Variants in PKD1L1 observed in about 807,000 individuals in gnomAD.
PKD1L1 encodes polycystin 1 like 1, transient receptor potential channel interacting.
PKD1L1 carries 236 observed loss-of-function variants against 323.4 expected under a neutral mutation model. That is an observed-to-expected ratio of 0.73 (90% CI 0.66 to 0.81). The LOEUF (loss-of-function observed/expected upper bound fraction) is 0.81. Among genes scored for constraint, PKD1L1 ranks in the 40% least tolerant of loss-of-function variants. The pLI, the probability that PKD1L1 is intolerant of heterozygous loss-of-function variation, is 0.00. For synonymous variants in PKD1L1, 1,344 were observed against 1,335.0 expected, an observed-to-expected ratio of 1.01 and a Z score of -0.15; for missense variants, 3,320 against 3,508.0, an observed-to-expected ratio of 0.95 and a Z score of 1.35.
intron 5 of PKD1L1, among the ~76,000 whole-genome samples, chr7:47,931,555 G>T (rs1787772168): frequency 6.6e-6 from 1 of 152,246 alleles, no homozygotes; most frequent in Non-Finnish European, 1.5e-5. Context: ...GCACCAGCTA[G>T]AACTATGAGG....
At chr7:47,809,631 T>C (rs1784853024) in intron 50 of PKD1L1, 54 bp from the exon 51 acceptor site, 2 of 1,368,450 alleles carry the variant, frequency 1.5e-6, no homozygotes, top group Non-Finnish European at 2.0e-6. Context: ...ATAAATTGTT[T>C]TTTGAAGGTC....
Position 47,857,773 on chromosome 7 carries a change from A to G in PKD1L1, c.4422T>C (p.His1474=). The G allele has an allele frequency of 1.9e-6, 3 of 1,614,180 alleles. No individual in the cohort carries two copies. In the South Asian group the frequency reaches 3.3e-5, roughly 18 times the overall value. Residue 1474 remains histidine (H), a synonymous_variant, in exon 28 of 57, where the codon CAT becomes CAC. Transcript: ENST00000289672. ...TCTGGACAGAGCTCTGAAGGTTGTA[A>G]TGAAGAAGGGTCCGGAACTCCATCT... ...TGQMEFRTLL[H]YNLQSSVQSL...
At chr7:47,826,110 C>T (rs560377919) in intron 45 of PKD1L1, among the ~76,000 whole-genome samples, 2 of 152,232 alleles carry the variant, frequency 1.3e-5, no homozygotes, top group South Asian at 4.1e-4. Context: ...GATGCGCCCA[C>T]CACACTCCCA....
rs763850432 is a variant in PKD1L1, at chr7:47,857,812, A to G, written c.4383T>C (p.His1461=). Residue 1461 remains histidine (H), a synonymous_variant, in exon 28 of 57, where the codon CAT becomes CAC. Transcript: ENST00000289672. ...GGAACTCCATCTGCCCAGTGCTAAC[A>G]TGGTTCAAAGAGAGACAACCCTGAA... The part of the protein sequence containing the change: ...DLLLGCLSLN[H]VSTGQMEFRT... The G allele has an allele frequency of 8.9e-5, 143 of 1,614,048 alleles. No homozygotes were observed. Among genetic ancestry groups the G allele is most frequent in the Non-Finnish European group, 1.1e-4 (133 of 1,180,036 alleles).
intron 25 of PKD1L1, among the ~76,000 whole-genome samples, chr7:47,865,737 C>G (rs901808715): frequency 6.6e-6 from 1 of 150,378 alleles, no homozygotes; most frequent in Admixed American, 6.6e-5. Flanking sequence ...ACGCGCCTGC[C>G]ACCACACCTG....
intron 16 of PKD1L1, among the ~76,000 whole-genome samples, 199 bp downstream of exon 16, chr7:47,890,343 C>T (rs2128748615): frequency 6.6e-6 from 1 of 152,354 alleles, no homozygotes; most frequent in African/African-American, 2.4e-5. Flanking sequence ...TCAGATGCTG[C>T]CCAGACATCA....
intron 46 of PKD1L1, among the ~76,000 whole-genome samples, chr7:47,817,195 C>T (rs566042929): frequency 6.6e-6 from 1 of 152,296 alleles, no homozygotes; most frequent in East Asian, 1.9e-4. Flanking sequence ...CATGCCACTG[C>T]ACTCCAGCCT....
intron 32 of PKD1L1, among the ~76,000 whole-genome samples, chr7:47,846,105 C>T (rs768744294): frequency 6.6e-6 from 1 of 152,106 alleles, no homozygotes; most frequent in East Asian, 1.9e-4. Context: ...TGCACTGCTA[C>T]GGTATGATCT....
chr7:47,940,051 A>G, intron 3 of PKD1L1, 142 bp downstream of exon 3: 1 of 1,138,690 alleles, frequency 8.8e-7, no homozygotes, highest in Non-Finnish European at 1.3e-6. Context: ...TATAAGTCAC[A>G]CTTGCTTCAT....
At chr7:47,960,246 G>A in the PKD1L1 span, among the ~76,000 whole-genome samples, 1 of 149,436 alleles carries the variant, frequency 6.7e-6, no homozygotes, top group African/African-American at 2.5e-5. Context: ...AGGCCGCAGG[G>A]TCCTCTGCAT....
chr7:47,813,131 C>T lies in PKD1L1; in HGVS notation c.7336G>A (p.Gly2446Ser). Residue 2446 changes from glycine (G) to serine (S), a missense_variant, in exon 49 of 57, where the codon GGC (glycine) becomes AGC (serine). Physicochemically the swap from Gly to Ser is moderately conservative, Grantham distance 56 (BLOSUM62 0). Transcript: ENST00000289672. ...GTREDCVLSL[G>S]RTRTEAHTAL... ...TCGAATCTCACTGACCTTGTTCTGC[C>T]CAGGCTGAGCACACAGTCCTCCCTT... The T allele has an allele frequency of 1.2e-6, 2 of 1,613,244 alleles. No homozygotes were observed. Among genetic ancestry groups the T allele is most frequent in the Non-Finnish European group, 1.7e-6 (2 of 1,179,926 alleles).
chr7:47,866,820 T>C (rs1007647101), intron 24 of PKD1L1, among the ~76,000 whole-genome samples: 1 of 152,062 alleles, frequency 6.6e-6, no homozygotes, highest in African/African-American at 2.4e-5. Flanking sequence ...TTACAAAAAC[T>C]CCTTTTATCA....
At position 47,842,957 on chromosome 7, in the gene PKD1L1, G is replaced by C; in HGVS notation, c.5445+5C>G. Reference sequence around the variant, plus strand: ...TCAAAGAGTACCCCCAGATGCTCGAGCTACCTTTGAGGTCAACCTGGCCGG... The same window carrying C: ...TCAAAGAGTACCCCCAGATGCTCGACCTACCTTTGAGGTCAACCTGGCCGG... On this transcript the variant is annotated splice_donor_5th_base_variant and intron_variant, in intron 34 of 56. Coordinates refer to ENST00000289672, the MANE Select transcript of PKD1L1 (RefSeq NM_138295.5). 1 of 1,610,334 alleles carries C rather than the reference G, an allele frequency of 6.2e-7. No homozygotes were observed. The highest frequency in any genetic ancestry group is 8.5e-7 in the Non-Finnish European group (1 of 1,178,560).
intron 14 of PKD1L1, among the ~76,000 whole-genome samples, chr7:47,896,663 A>T (rs1786943403): frequency 6.6e-6 from 1 of 152,130 alleles, no homozygotes; most frequent in South Asian, 2.1e-4. Context: ...GCACACAGCC[A>T]GGTACAAATA....
At position 47,929,421 on chromosome 7, in the gene PKD1L1, G is replaced by T; in HGVS notation, c.843C>A (p.Ile281=). 1 of 1,614,172 alleles carries T rather than the reference G, an allele frequency of 6.2e-7. No homozygotes were observed. Among genetic ancestry groups the T allele is most frequent in the South Asian group, 1.1e-5 (1 of 91,082 alleles). The part of the protein sequence containing the change: ...YPPTQHPPVA[I]LARNSDNFMN... Reference sequence around the variant, plus strand: ...TGAAGTTATCAGAATTTCGAGCTAGGATGGCCACAGGAGGATGCTGAGTAG... The same window carrying T: ...TGAAGTTATCAGAATTTCGAGCTAGTATGGCCACAGGAGGATGCTGAGTAG... The change falls in exon 7 of 57, where the codon ATC becomes ATA. Residue 281 remains isoleucine (I), a synonymous_variant. Coordinates refer to ENST00000289672, the MANE Select transcript of PKD1L1 (RefSeq NM_138295.5).
intron 2 of PKD1L1, among the ~76,000 whole-genome samples, chr7:47,941,657 C>G (rs369726247): frequency 8.9e-4 from 135 of 152,270 alleles, no homozygotes; most frequent in African/African-American, 3.1e-3. Flanking sequence ...GATGCACCAA[C>G]TGAGGTATGA....
chr7:47,952,769 G>A (rs1788222575), upstream of PKD1L1, among the ~76,000 whole-genome samples: 1 of 152,122 alleles, frequency 6.6e-6, no homozygotes, highest in Non-Finnish European at 1.5e-5. Context: ...AGGGCATCAT[G>A]GTACACTTTT....
chr7:47,835,343 C>A, intron 37 of PKD1L1, 100 bp from the exon 38 acceptor site: 1 of 678,894 alleles, frequency 1.5e-6, no homozygotes, highest in Non-Finnish European at 2.5e-6. Context: ...TGAATACATA[C>A]ATTATATTTA....
chr7:47,795,359 G>C, intron 55 of PKD1L1: 1 of 455,362 alleles, frequency 2.2e-6, no homozygotes, highest in South Asian at 1.6e-5. Context: ...TTTGCATCTG[G>C]ATCATTTTTC....
Sources: allele counts gnomAD v4.1 joint callset (sites outside exome capture counted in the v4.1 genomes callset), GRCh38; gene constraint gnomAD v4.1.1; transcripts MANE v1.5; gene names NCBI Gene and HGNC (gene_info 2026-07-23, HGNC 2026-07-21).